The following CR1 variants were observed in gnomAD, a reference collection of about 807,000 sequenced individuals.
CR1 encodes complement receptor type 1.
A neutral mutation model predicts 187.3 loss-of-function variants in CR1; 116 were observed. That is an observed-to-expected ratio of 0.62 (90% CI 0.53 to 0.72). CR1 has a LOEUF of 0.72. Ranked by LOEUF, CR1 falls within the 30% of genes least tolerant of loss-of-function variation. CR1 has a pLI of 0.00. For synonymous variants in CR1, 576 were observed against 747.1 expected (o/e 0.77, Z 3.73); for missense variants, 1,731 against 2,110.7 (o/e 0.82, Z 3.52).
In CR1 at chr1:207,577,796, C is replaced by CT. The variant is rs761532103; in HGVS notation, c.4538-5dup. On this transcript the variant is annotated splice_polypyrimidine_tract_variant and intron_variant, in intron 28 of 46. Coordinates refer to ENST00000367049, the MANE Select transcript of CR1 (RefSeq NM_000651.6). Reference sequence around the variant, plus strand: ...TTTTGTTTTGGTTAACTTGCTGTCTCTTTTCCAGGAATTCCTTGTGGGCTA... The same window carrying CT: ...TTTTGTTTTGGTTAACTTGCTGTCTCTTTTTCCAGGAATTCCTTGTGGGCTA... 1.2e-6 allele frequency: 2 copies of CT among 1,613,570 alleles called. No individual in the cohort carries two copies.
At chr1:207,587,678 A>C in intron 34 of CR1, 113 bp downstream of exon 34, 10 of 1,046,710 alleles carry the variant, frequency 9.6e-6, no homozygotes, top group South Asian at 1.9e-5. Context: ...GCTGGCAGAT[A>C]GCTTGAACTC....
At chr1:207,583,983 G>A (rs1357487661) in intron 32 of CR1, among the ~76,000 whole-genome samples, 2 of 151,986 alleles carry the variant, frequency 1.3e-5, no homozygotes, top group Non-Finnish European at 2.9e-5. Flanking sequence ...AGGAATAAAT[G>A]TGTTTCTTTA....
intron 2 of CR1, among the ~76,000 whole-genome samples, chr1:207,506,295 A>C (rs551857300): frequency 6.6e-6 from 1 of 152,364 alleles, no homozygotes; most frequent in Admixed American, 6.5e-5. Context: ...CAGTCATTGC[A>C]GGACATGATT....
chr1:207,521,624 CTTTTTTTTTTTTTT>C (rs139203101), intron 4 of CR1, among the ~76,000 whole-genome samples: 13 of 88,306 alleles, frequency 1.5e-4, no homozygotes, highest in Non-Finnish European at 2.3e-4. Flanking sequence ...TGCCCTCTTC[CTTTTTTTTTTTTTT>C]TTTTTTTTTT....
intron 40 of CR1, 42 bp downstream of exon 40, chr1:207,614,531 T>C: frequency 6.4e-7 from 1 of 1,557,772 alleles, no homozygotes. Flanking sequence ...CTCTCCTTAT[T>C]TTCGTTTTCC....
Position 207,577,789 on chromosome 1 carries a change from G to C in CR1, c.4538-16G>C, listed in dbSNP as rs934211654. On this transcript the variant is annotated splice_polypyrimidine_tract_variant and intron_variant, in intron 28 of 46. Transcript: ENST00000367049. ...CCCAAGGTTTTGTTTTGGTTAACTT[G>C]CTGTCTCTTTTCCAGGAATTCCTTG... 3 of 1,613,356 alleles carry C rather than the reference G, an allele frequency of 1.9e-6. No individual in the cohort carries two copies. Among genetic ancestry groups the C allele is most frequent in the African/African-American group, 1.3e-5 (1 of 74,900 alleles).
At chr1:207,574,890 C>T (rs146590969) in intron 27 of CR1, among the ~76,000 whole-genome samples, 2 of 152,136 alleles carry the variant, frequency 1.3e-5, no homozygotes, top group Non-Finnish European at 2.9e-5. Flanking sequence ...CTATCTCTTC[C>T]ATATAGCAAG....
Position 207,581,936 on chromosome 1 carries a change from T to C in CR1, c.5235T>C (p.Ser1745=), listed in dbSNP as rs1162849455. 6.2e-7 allele frequency: 1 copy of C among 1,613,294 alleles called. No individual in the cohort carries two copies. ...TCTTTAGGTTTCGCTTAAAGGGCAGTTCCGTTAGTCATTGTGTCTTGGTTG... is the reference window on the plus strand; with the variant it reads ...TCTTTAGGTTTCGCTTAAAGGGCAGCTCCGTTAGTCATTGTGTCTTGGTTG... The part of the protein sequence containing the change: ...VCDEGFRLKG[S]SVSHCVLVGM... The change falls in exon 32 of 47, where the codon AGT becomes AGC. Residue 1745 remains serine, a synonymous_variant. Transcript: ENST00000367049.
At position 207,611,995 on chromosome 1, in the gene CR1, C is replaced by G; in HGVS notation, c.6529C>G (p.Leu2177Val). 1.9e-6 allele frequency: 3 copies of G among 1,614,020 alleles called. No homozygotes were observed. Residue 2177 changes from leucine (L) to valine (V), a missense_variant, in exon 39 of 47, where the codon CTT (leucine) becomes GTT (valine). Transcript: ENST00000367049. Reference sequence around the variant, plus strand: ...CCCTCATGGCCGTGTGCTACTTCCACTTAATCTCCAGCTTGGGGCAAAGGT... The same window carrying G: ...CCCTCATGGCCGTGTGCTACTTCCAGTTAATCTCCAGCTTGGGGCAAAGGT... ...QLPHGRVLLP[L>V]NLQLGAKVSF...
At chr1:207,575,424 A>C (rs1430534673) in intron 27 of CR1, among the ~76,000 whole-genome samples, 171 bp from the exon 28 acceptor site, 1 of 152,246 alleles carries the variant, frequency 6.6e-6, no homozygotes, top group Non-Finnish European at 1.5e-5. Context: ...ATCTCTTTCA[A>C]TAATGAAAGA....
chr1:207,506,755 G>C lies in CR1; in HGVS notation c.343G>C (p.Val115Leu), dbSNP rs761154473. 6.2e-7 allele frequency: 1 copy of C among 1,613,672 alleles called. No individual in the cohort carries two copies. Among genetic ancestry groups the C allele is most frequent in the Non-Finnish European group, 8.5e-7 (1 of 1,179,712 alleles). The stretch of plus-strand genomic sequence containing the variant: ...TCCTCCAGATCCTGTGAATGGCATG[G>C]TGCATGTGATCAAAGGCATCCAGTT... Reference protein sequence around the residue: ...RNPPDPVNGMVHVIKGIQFGS... With the variant: ...RNPPDPVNGMLHVIKGIQFGS... Residue 115 changes from valine (V) to leucine (L), a missense_variant, in exon 3 of 47, where the codon GTG becomes CTG. Around this residue, in one of 5 missense-constraint regions of CR1, gnomAD observed 237 missense variants for 240.4 expected, o/e 0.99. Coordinates refer to ENST00000367049, the MANE Select transcript of CR1 (RefSeq NM_000651.6).
At chr1:207,639,257 T>C in intron 46 of CR1, 140 bp from the exon 47 acceptor site, 4 of 684,622 alleles carry the variant, frequency 5.8e-6, no homozygotes, top group Non-Finnish European at 9.9e-6. Context: ...CTCCAAATGT[T>C]CTAACTTGTC....
chr1:207,576,589 G>A (rs1245310386), intron 28 of CR1, among the ~76,000 whole-genome samples: 3 of 152,178 alleles, frequency 2.0e-5, no homozygotes, highest in Admixed American at 2.0e-4. Flanking sequence ...AGGCCTAGGT[G>A]AGCAGATGGC....
In CR1 at chr1:207,496,315, G is replaced by T. The variant is rs373914260; in HGVS notation, c.48G>T (p.Ala16=). ...PRSPEPVGPP[A]PGLPFCCGGS... is the part of the protein sequence containing the mutation. Reference sequence around the variant, plus strand: ...GCCCGGAGCCTGTCGGGCCGCCGGCGCCCGGTCTCCCCTTCTGCTGCGGAG... The same window carrying T: ...GCCCGGAGCCTGTCGGGCCGCCGGCTCCCGGTCTCCCCTTCTGCTGCGGAG... The change falls in exon 1 of 47, where the codon GCG becomes GCT. Residue 16 remains alanine (A), a synonymous_variant. Coordinates refer to ENST00000367049, the MANE Select transcript of CR1 (RefSeq NM_000651.6). 14 of 1,613,508 alleles carry T rather than the reference G, an allele frequency of 8.7e-6. No individual in the cohort carries two copies. The highest frequency in any genetic ancestry group is 1.3e-5 in the African/African-American group (1 of 74,912).
intron 41 of CR1, among the ~76,000 whole-genome samples, 166 bp downstream of exon 41, chr1:207,616,968 G>A (rs1019521278): frequency 1.3e-5 from 2 of 152,184 alleles, no homozygotes; most frequent in Non-Finnish European, 2.9e-5. Flanking sequence ...AGATAGGCAC[G>A]CTGTCTCAAT....
chr1:207,581,201 T>G, intron 31 of CR1, among the ~76,000 whole-genome samples: 1 of 150,360 alleles, frequency 6.7e-6, no homozygotes, highest in Admixed American at 6.6e-5. Flanking sequence ...GACACGTATA[T>G]GTAGACGTAT....
chr1:207,635,028 TCG>T (rs2102419876), intron 46 of CR1, among the ~76,000 whole-genome samples: 1 of 152,354 alleles, frequency 6.6e-6, no homozygotes, highest in East Asian at 1.9e-4. Flanking sequence ...GTCTCCATTT[TCG>T]CCATACTTTC....
At chr1:207,498,575 G>A (rs1659160718) in intron 1 of CR1, among the ~76,000 whole-genome samples, 1 of 152,112 alleles carries the variant, frequency 6.6e-6, no homozygotes, top group East Asian at 1.9e-4. Context: ...CATATAAAAT[G>A]CTCAGTTAAA....
intron 36 of CR1, among the ~76,000 whole-genome samples, chr1:207,607,735 CAGTTCTT>C (rs1661794076): frequency 6.6e-6 from 1 of 152,146 alleles, no homozygotes. Flanking sequence ...ACTCTTCTTC[CAGTTCTT>C]AGCAATTTTC....
Sources: gnomAD v4.1 joint callset for allele counts (sites outside exome capture counted in the v4.1 genomes callset) on GRCh38, gnomAD v4.1.1 for gene constraint, gnomAD v4.1.1 regional missense constraint, MANE v1.5 for transcripts, NCBI Gene and HGNC (gene_info 2026-07-23, HGNC 2026-07-21) for gene names.